The following AHRR variants were observed in gnomAD, a reference collection of about 807,000 sequenced individuals.
The protein encoded by AHRR is aryl hydrocarbon receptor repressor.
AHRR carries 28 observed loss-of-function variants against 44.0 expected under a neutral mutation model. That is an observed-to-expected ratio of 0.64 (90% CI 0.47 to 0.87). The LOEUF (loss-of-function observed/expected upper bound fraction) is 0.87. AHRR is among the 40% of genes least tolerant of loss of function. AHRR has a pLI of 0.00. For missense variants in AHRR, 990 were observed against 953.9 expected (o/e 1.04, Z -0.50); for synonymous variants, 434 against 407.0 (o/e 1.07, Z -0.80).
At chr5:324,298 T>G (rs115701834) in intron 1 of AHRR, among the ~76,000 whole-genome samples, 9,963 of 151,562 alleles carry the variant, frequency 0.066, 523 homozygotes, top group Non-Finnish European at 0.088. Flanking sequence ...CTCGAACTCC[T>G]GACGTCATGC....
chr5:391,569 C>T lies in AHRR; in HGVS notation c.351+14853C>T, dbSNP rs111161317. On this transcript the variant is annotated intron_variant, in intron 4 of 10. Transcript: ENST00000684583. The stretch of plus-strand genomic sequence containing the variant: ...GGGCGAGGCAGGGCCAGAGCGTGCA[C>T]GGGGGCAGGGCGAGGAGGGCGCAGG... 5.4e-3 allele frequency among the ~76,000 whole-genome samples: 14 copies of T among 2,590 alleles called. 1 individual carries two copies. Among genetic ancestry groups the T allele is most frequent in the East Asian group, 0.019 (2 of 104 alleles). 1.7% of individuals were successfully genotyped at this position (2,590 alleles called of 152,430 possible).
In AHRR at chr5:434,591, C is replaced by T. The variant is rs1452919260; in HGVS notation, c.1851C>T (p.Ala617=). The T allele has an allele frequency of 7.0e-6, 11 of 1,572,744 alleles. No individual in the cohort carries two copies. Among genetic ancestry groups the T allele is most frequent in the South Asian group, 1.2e-5 (1 of 86,546 alleles). The change falls in exon 11 of 11, where the codon GCC becomes GCT. Residue 617 remains alanine (A), a synonymous_variant. Coordinates refer to ENST00000684583, the MANE Select transcript of AHRR (RefSeq NM_001377236.1). ...ELTPFHPAHC[A]CLEPTDGLPQ... ...CCCCTTTCCACCCTGCACACTGTGC[C>T]TGCCTGGAGCCCACAGACGGCCTTC...
intron 10 of AHRR, among the ~76,000 whole-genome samples, chr5:433,155 A>G (rs1218720042): frequency 6.6e-6 from 1 of 152,078 alleles, no homozygotes; most frequent in East Asian, 1.9e-4. Context: ...CTGGGGACTG[A>G]CCCCGGGAAG....
intron 5 of AHRR, among the ~76,000 whole-genome samples, chr5:413,919 C>T (rs760285065): frequency 9.2e-5 from 14 of 152,192 alleles, no homozygotes; most frequent in East Asian, 1.9e-4. Context: ...GTTGAGGCCT[C>T]GTCAGATACC....
Position 432,789 on chromosome 5 carries a change from C to T in AHRR, c.971-17C>T, listed in dbSNP as rs572176556. On this transcript the variant is annotated splice_polypyrimidine_tract_variant and intron_variant, in intron 9 of 10. Coordinates refer to ENST00000684583, the MANE Select transcript of AHRR (RefSeq NM_001377236.1). ...GCTCGCACCGTGACGGCTTCCCCCC[C>T]CTCTAAACCCCAACAGGAAGGAGCA... 38 of 1,613,758 alleles carry T rather than the reference C, an allele frequency of 2.4e-5. No homozygotes were observed. The highest frequency in any genetic ancestry group is 2.2e-4 in the South Asian group (20 of 91,088).
intron 4 of AHRR, among the ~76,000 whole-genome samples, chr5:393,309 T>C (rs1484909333): frequency 6.6e-6 from 1 of 152,230 alleles, no homozygotes; most frequent in Non-Finnish European, 1.5e-5. Flanking sequence ...ATTCTTGTCT[T>C]TGCACCTAAC....
At chr5:375,954 G>A (rs1244643539) in intron 3 of AHRR, among the ~76,000 whole-genome samples, 8 of 152,228 alleles carry the variant, frequency 5.3e-5, no homozygotes, top group Admixed American at 4.6e-4. Context: ...GGGGCTGTGC[G>A]CAGTCACTGG....
chr5:347,317 A>G (rs1235580637), intron 2 of AHRR, among the ~76,000 whole-genome samples: 1 of 152,132 alleles, frequency 6.6e-6, no homozygotes, highest in African/African-American at 2.4e-5. Context: ...CCCAGTTTTG[A>G]TTTTACATAT....
intron 5 of AHRR, among the ~76,000 whole-genome samples, chr5:418,254 AT>A (rs1735914840): frequency 1.3e-5 from 2 of 152,196 alleles, no homozygotes; most frequent in Non-Finnish European, 2.9e-5. Context: ...GGTTTGGATA[AT>A]TTTAACATCA....
At position 387,598 on chromosome 5, in the gene AHRR, A is replaced by G. The variant is rs1037121099; in HGVS notation, c.351+10882A>G. 5.9e-5 allele frequency among the ~76,000 whole-genome samples: 9 copies of G among 152,210 alleles called. No individual in the cohort carries two copies. Among genetic ancestry groups the G allele is most frequent in the Non-Finnish European group, 1.0e-4 (7 of 68,032 alleles). ...CACCCTGTCTGCTGAGGGATGAGGCACTGTTGGAGGTCCTGGGACAGGGGC... is the reference window on the plus strand; with the variant it reads ...CACCCTGTCTGCTGAGGGATGAGGCGCTGTTGGAGGTCCTGGGACAGGGGC... On this transcript the variant is annotated intron_variant, in intron 4 of 10. Coordinates refer to ENST00000684583, the MANE Select transcript of AHRR (RefSeq NM_001377236.1). This position sits in a 1 kb window ranked among gnomAD's most constrained non-coding sequence, Gnocchi z 5.1.
intron 5 of AHRR, among the ~76,000 whole-genome samples, chr5:416,812 C>T (rs1272854818): frequency 1.3e-5 from 2 of 152,186 alleles, no homozygotes; most frequent in African/African-American, 2.4e-5. Context: ...CGGTGTGGCT[C>T]GATGACTTTG....
At chr5:333,471 C>CTCAGTGTCCCAGGTGGTGGACTGTG (rs1742007927) in intron 1 of AHRR, among the ~76,000 whole-genome samples, 1 of 152,086 alleles carries the variant, frequency 6.6e-6, no homozygotes, top group African/African-American at 2.4e-5. Context: ...TGGTGGAGGG[C>CTCAGTGTCCCAGGTGGTGGACTGTG]TATAGTTCTA....
At position 387,650 on chromosome 5, in the gene AHRR, TTC is replaced by T. The variant is rs1734223241; in HGVS notation, c.351+10936_351+10937del. On this transcript the variant is annotated intron_variant, in intron 4 of 10. Coordinates refer to ENST00000684583, the MANE Select transcript of AHRR (RefSeq NM_001377236.1). The surrounding 1 kb of genome is among the most constrained non-coding windows in gnomAD (Gnocchi z 5.1). Reference sequence around the variant, plus strand: ...TGACCTCCTCAGCCTCTTCTGTGGCTTCTGACAGCAGCAGTGGTAATACCGGT... The same window carrying T: ...TGACCTCCTCAGCCTCTTCTGTGGCTTGACAGCAGCAGTGGTAATACCGGT... Among the ~76,000 whole-genome samples the T allele has an allele frequency of 6.6e-6, 1 of 152,238 alleles. No homozygotes were observed. Among genetic ancestry groups the T allele is most frequent in the Non-Finnish European group, 1.5e-5 (1 of 68,026 alleles).
chr5:343,514 G>A (rs1482681512), intron 1 of AHRR: 9 of 275,194 alleles, frequency 3.3e-5, no homozygotes, highest in Non-Finnish European at 5.4e-5. Context: ...TTTGGAGGCT[G>A]CAGGCTGCCC....
intron 10 of AHRR, among the ~76,000 whole-genome samples, 172 bp from the exon 11 acceptor site, chr5:433,681 T>C (rs10054769): frequency 0.076 from 10,880 of 142,534 alleles, 480 homozygotes; most frequent in Admixed American, 0.13. Flanking sequence ...TGGCACAGCC[T>C]CCTGGGCTGC....
At chr5:366,854 A>G (rs975524515) in intron 3 of AHRR, among the ~76,000 whole-genome samples, 1 of 151,518 alleles carries the variant, frequency 6.6e-6, no homozygotes, top group Non-Finnish European at 1.5e-5. Flanking sequence ...TCTGCAAAAT[A>G]ACTCACCTGT....
intron 8 of AHRR, among the ~76,000 whole-genome samples, chr5:428,426 G>A (rs1010117029): frequency 3.9e-5 from 6 of 152,238 alleles, no homozygotes; most frequent in African/African-American, 1.4e-4. Flanking sequence ...CGTCCCTGGT[G>A]GGCAGATGGA....
intron 4 of AHRR, among the ~76,000 whole-genome samples, chr5:392,831 G>T (rs565028627): frequency 6.6e-6 from 1 of 151,908 alleles, no homozygotes; most frequent in African/African-American, 2.4e-5. Context: ...TACCGTGGCC[G>T]CCCCAGGCTT....
chr5:414,118 CT>C (rs1468167804), intron 5 of AHRR, among the ~76,000 whole-genome samples: 1 of 152,120 alleles, frequency 6.6e-6, no homozygotes, highest in Non-Finnish European at 1.5e-5. Context: ...CAAAAATTAG[CT>C]GGGTGTGGTG....
Sources: allele counts gnomAD v4.1 joint callset (sites outside exome capture counted in the v4.1 genomes callset), GRCh38; gene constraint gnomAD v4.1.1; non-coding constraint Gnocchi (gnomAD v3.1); transcripts MANE v1.5; gene names NCBI Gene and HGNC (gene_info 2026-07-23, HGNC 2026-07-21).